Variants in SERPINA12 observed in about 807,000 individuals in gnomAD.
SERPINA12 encodes serpin family A member 12.
In SERPINA12, 21 loss-of-function variants were observed where a neutral mutation model predicts 25.9. The ratio of observed to expected loss-of-function variants is 0.81; its 90% CI spans 0.58 to 1.17. The LOEUF (loss-of-function observed/expected upper bound fraction) is 1.17. Ranked by LOEUF, SERPINA12 falls within the 50% of genes most tolerant of loss-of-function variation. The probability of loss-of-function intolerance (pLI) is 0.00; values close to 1 mark genes in which losing one functional copy is unlikely to be tolerated. For missense variants in SERPINA12, 562 were observed against 508.3 expected (o/e 1.11, Z -1.02); for synonymous variants, 220 against 196.0 (o/e 1.12, Z -1.02).
intron 1 of SERPINA12, among the ~76,000 whole-genome samples, chr14:94,505,217 C>T (rs767584035): frequency 6.6e-5 from 10 of 152,178 alleles, no homozygotes; most frequent in Non-Finnish European, 1.3e-4. Flanking sequence ...CTCTCATTCC[C>T]AGAGCTATTC....
chr14:94,503,208 A>G (rs998505734), intron 1 of SERPINA12: 1 of 984,830 alleles, frequency 1.0e-6, no homozygotes, highest in Non-Finnish European at 1.2e-6. Context: ...GTGGTAAGAC[A>G]TATCTTCTCT....
At position 94,488,679 on chromosome 14, in the gene SERPINA12, A is replaced by C. The variant is rs145018804; in HGVS notation, c.1053+941T>G. On this transcript the variant is annotated intron_variant, in intron 4 of 4. Coordinates refer to ENST00000677451, the MANE Select transcript of SERPINA12 (RefSeq NM_001382267.1). Reference sequence around the variant, plus strand: ...TGTATGAAATCTGCTAAATCCGGTGACTCTACCTATATGGTGCTCTCTTCT... The same window carrying C: ...TGTATGAAATCTGCTAAATCCGGTGCCTCTACCTATATGGTGCTCTCTTCT... Among the ~76,000 whole-genome samples, 103 of 152,242 alleles carry C rather than the reference A, an allele frequency of 6.8e-4. 1 individual carries two copies. Among genetic ancestry groups the C allele is most frequent in the Admixed American group, 5.6e-3 (85 of 15,296 alleles).
At chr14:94,512,266 C>T (rs758938946), upstream of SERPINA12, among the ~76,000 whole-genome samples, 8 of 152,314 alleles carry the variant, frequency 5.3e-5, no homozygotes, top group East Asian at 1.9e-4. Flanking sequence ...GACATTGAGG[C>T]GGAGCACAGG....
At chr14:94,506,439 T>C (rs1360207775) in intron 1 of SERPINA12, among the ~76,000 whole-genome samples, 1 of 152,194 alleles carries the variant, frequency 6.6e-6, no homozygotes, top group East Asian at 1.9e-4. Context: ...AGGCACCTGA[T>C]CCTAGCTGGG....
At chr14:94,495,070 T>TTTC (rs1555377347) in intron 3 of SERPINA12, among the ~76,000 whole-genome samples, 4 of 133,678 alleles carry the variant, frequency 3.0e-5, no homozygotes, top group African/African-American at 1.3e-4. Flanking sequence ...CTTTCTTTTT[T>TTTC]TTTTTTTTTT....
intron 1 of SERPINA12, among the ~76,000 whole-genome samples, chr14:94,508,872 T>C (rs1221449322): frequency 1.3e-5 from 2 of 152,232 alleles, no homozygotes; most frequent in Non-Finnish European, 2.9e-5. Flanking sequence ...TCTTATTTTC[T>C]TCTTTGTCTT....
At chr14:94,489,865 C>T in intron 3 of SERPINA12, 98 bp from the exon 4 acceptor site, 1 of 1,237,072 alleles carries the variant, frequency 8.1e-7, no homozygotes, top group Non-Finnish European at 1.1e-6. Flanking sequence ...TCCTCCCAGC[C>T]CCAAAGGTCT....
chr14:94,511,767 G>A, upstream of SERPINA12: 1 of 964,210 alleles, frequency 1.0e-6, no homozygotes. Flanking sequence ...CCAGGTGTGG[G>A]GGAGAGAGAA....
At chr14:94,506,544 A>T (rs1477378430) in intron 1 of SERPINA12, among the ~76,000 whole-genome samples, 3 of 152,348 alleles carry the variant, frequency 2.0e-5, no homozygotes, top group Non-Finnish European at 4.4e-5. Context: ...CAAGAGAAGT[A>T]TATCAAGGAT....
upstream of SERPINA12, among the ~76,000 whole-genome samples, chr14:94,513,777 C>A (rs1901165387): frequency 1.3e-5 from 2 of 152,182 alleles, no homozygotes; most frequent in Non-Finnish European, 2.9e-5. Flanking sequence ...GGGATGAAAA[C>A]CTAAACACCA....
intron 2 of SERPINA12, among the ~76,000 whole-genome samples, chr14:94,497,505 T>C (rs1467000427): frequency 6.6e-6 from 1 of 152,208 alleles, no homozygotes; most frequent in African/African-American, 2.4e-5. Context: ...CTATAACCAA[T>C]GTTGTGTTAG....
chr14:94,496,737 G>T, intron 2 of SERPINA12, 94 bp from the exon 3 acceptor site: 1 of 1,032,682 alleles, frequency 9.7e-7, no homozygotes, highest in Non-Finnish European at 1.5e-6. Flanking sequence ...CACAGATTCA[G>T]GGTGAAAGGG....
At chr14:94,511,275 A>G, upstream of SERPINA12, 1 of 347,086 alleles carries the variant, frequency 2.9e-6, no homozygotes, top group Non-Finnish European at 4.1e-6. Flanking sequence ...ACACACACAC[A>G]TTTAATTCTT....
intron 3 of SERPINA12, among the ~76,000 whole-genome samples, chr14:94,495,206 C>G (rs1900358945): frequency 6.7e-6 from 1 of 149,182 alleles, no homozygotes; most frequent in African/African-American, 2.5e-5. Context: ...GTAGCTGGGA[C>G]TACAGGCGCC....
At chr14:94,506,251 G>A (rs898937120) in intron 1 of SERPINA12, among the ~76,000 whole-genome samples, 2 of 152,160 alleles carry the variant, frequency 1.3e-5, no homozygotes, top group African/African-American at 4.8e-5. Flanking sequence ...GGGGAGCTAG[G>A]AATTTCTGGT....
intron 3 of SERPINA12, among the ~76,000 whole-genome samples, chr14:94,494,568 C>G (rs1337265572): frequency 6.6e-6 from 1 of 152,162 alleles, no homozygotes; most frequent in Non-Finnish European, 1.5e-5. Context: ...CCCGCCCCTC[C>G]CACTGGGAAC....
intron 3 of SERPINA12, among the ~76,000 whole-genome samples, chr14:94,493,744 C>A (rs1479829023): frequency 6.6e-6 from 1 of 152,224 alleles, no homozygotes; most frequent in Non-Finnish European, 1.5e-5. Flanking sequence ...CTGTGAGGAG[C>A]TTTGGTTCTG....
At chr14:94,505,118 G>A (rs1014079386) in intron 1 of SERPINA12, among the ~76,000 whole-genome samples, 26 of 152,216 alleles carry the variant, frequency 1.7e-4, no homozygotes, top group African/African-American at 6.0e-4. Flanking sequence ...ACAGTAGGTC[G>A]TATCTGATCG....
chr14:94,495,310 CG>C (rs1900368480), intron 3 of SERPINA12, among the ~76,000 whole-genome samples: 1 of 151,912 alleles, frequency 6.6e-6, no homozygotes, highest in African/African-American at 2.4e-5. Flanking sequence ...CCTCGTGATC[CG>C]CCCGCCTCGG....
Sources: allele counts gnomAD v4.1 joint callset (sites outside exome capture counted in the v4.1 genomes callset), GRCh38; gene constraint gnomAD v4.1.1; transcripts MANE v1.5; gene names NCBI Gene and HGNC (gene_info 2026-07-23, HGNC 2026-07-21).